The following WDR5 variants were observed in gnomAD, a reference collection of about 807,000 sequenced individuals.
WDR5 encodes the protein WD repeat-containing protein 5.
For missense variants in WDR5, 187 were observed against 416.9 expected, an observed-to-expected ratio of 0.45 and a Z score of 4.80; for synonymous variants, 144 against 161.6, an observed-to-expected ratio of 0.89 and a Z score of 0.83.
intron 6 of WDR5, 24 bp downstream of exon 6, chr9:134,142,446 C>T: frequency 6.2e-7 from 1 of 1,612,480 alleles, no homozygotes; most frequent in Non-Finnish European, 8.5e-7. Flanking sequence ...GGGTGTCTTC[C>T]CTGGGGGAGG....
At position 134,149,954 on chromosome 9, in the gene WDR5, T is replaced by C. The variant is rs373323244; in HGVS notation, c.584+1611T>C. 5.9e-3 allele frequency among the ~76,000 whole-genome samples: 901 copies of C among 152,258 alleles called. 10 individuals carry two copies. The highest frequency in any genetic ancestry group is 0.021 in the African/African-American group (852 of 41,536). Reference sequence around the variant, plus strand: ...AAGGAGCAGTCACCGCTGAAGAGGCTGGAAAAGGGGATTGAAGGCCTGAAA... The same window carrying C: ...AAGGAGCAGTCACCGCTGAAGAGGCCGGAAAAGGGGATTGAAGGCCTGAAA... On this transcript the variant is annotated intron_variant, in intron 8 of 13. Coordinates refer to ENST00000358625, the MANE Select transcript of WDR5 (RefSeq NM_017588.3).
At chr9:134,145,096 G>GTTTTTTGT (rs1316019740) in intron 7 of WDR5, among the ~76,000 whole-genome samples, 145 of 104,710 alleles carry the variant, frequency 1.4e-3, no homozygotes, top group South Asian at 2.8e-3. Flanking sequence ...GTGGGGCTTT[G>GTTTTTTGT]TTTTTTTTTT....
In WDR5 at chr9:134,148,312, T is replaced by C. The variant is rs751312755; in HGVS notation, c.553T>C (p.Leu185=). The change falls in exon 8 of 14, where the codon TTG becomes CTG. Residue 185 remains leucine, a synonymous_variant. Transcript: ENST00000358625. ...GGTTCATTTTAATCGTGATGGATCC[T>C]TGATAGTTTCAAGTAGCTATGATGG... is the stretch of plus-strand genomic sequence containing the variant. ...SAVHFNRDGS[L]IVSSSYDGLC... is the part of the protein sequence containing the mutation. 3.9e-5 allele frequency: 63 copies of C among 1,612,126 alleles called. No individual in the cohort carries two copies. Among genetic ancestry groups the C allele is most frequent in the Non-Finnish European group, 5.3e-5 (63 of 1,179,024 alleles).
intron 7 of WDR5, among the ~76,000 whole-genome samples, chr9:134,147,231 C>G (rs1346201753): frequency 6.6e-6 from 1 of 152,224 alleles, no homozygotes; most frequent in Admixed American, 6.5e-5. Flanking sequence ...CAGGCTCTTG[C>G]AGAGTCTAGC....
In WDR5 at chr9:134,157,689, G is replaced by A. The variant is rs1167446104; in HGVS notation, c.905-204G>A. ...CCCCTGTCCCCCAACCGGCTGTGTC[G>A]CCCTGGTACCGGCTGCTGTCCCCTC... On this transcript the variant is annotated intron_variant, in intron 13 of 13. Transcript: ENST00000358625. The surrounding 1 kb of genome is among the most constrained non-coding windows in gnomAD (Gnocchi z 5.0). Among the ~76,000 whole-genome samples, 3 of 152,022 alleles carry A rather than the reference G, an allele frequency of 2.0e-5. No homozygotes were observed. The highest frequency in any genetic ancestry group is 2.1e-4 in the South Asian group (1 of 4,822).
chr9:134,154,449 G>A lies in WDR5; in HGVS notation c.632-17G>A. 1 of 1,614,142 alleles carries A rather than the reference G, an allele frequency of 6.2e-7. No homozygotes were observed. On this transcript the variant is annotated splice_polypyrimidine_tract_variant and intron_variant, in intron 9 of 13. Transcript: ENST00000358625. ...TGTCAGCGCCCGCCGTGTGTCACCT[G>A]TCCGTTTTTATTGCAGATGACGACA...
intron 1 of WDR5, among the ~76,000 whole-genome samples, chr9:134,138,655 A>C (rs550058555): frequency 6.6e-6 from 1 of 152,214 alleles, no homozygotes; most frequent in Admixed American, 6.5e-5. Flanking sequence ...CTGCAGGTGA[A>C]ATGGAGCGGT....
rs143968579 is a variant in WDR5, at chr9:134,149,100, C to T, written c.584+757C>T. 7.9e-4 allele frequency among the ~76,000 whole-genome samples: 121 copies of T among 152,306 alleles called. No homozygotes were observed. In the East Asian group the frequency reaches 0.02, roughly 25 times the overall value. ...CCTGCAGGGAACCCTCAGGTGGACA[C>T]GCACACTCGAAATCTGTTTCCCAGT... On this transcript the variant is annotated intron_variant, in intron 8 of 13. Coordinates refer to ENST00000358625, the MANE Select transcript of WDR5 (RefSeq NM_017588.3).
At chr9:134,152,133 G>A in intron 9 of WDR5, 104 bp downstream of exon 9, 1 of 1,367,378 alleles carries the variant, frequency 7.3e-7, no homozygotes, top group Non-Finnish European at 1.0e-6. Flanking sequence ...TCTGCCCTGG[G>A]TCCGCCCCTG....
Position 134,147,227 on chromosome 9 carries a change from C to G in WDR5, c.529-1061C>G, listed in dbSNP as rs188877460. On this transcript the variant is annotated intron_variant, in intron 7 of 13. Coordinates refer to ENST00000358625, the MANE Select transcript of WDR5 (RefSeq NM_017588.3). Reference sequence around the variant, plus strand: ...AAATTACACGTGTGGCTGGCAGGCTCTTGCAGAGTCTAGCCTAGTGCTTCT... The same window carrying G: ...AAATTACACGTGTGGCTGGCAGGCTGTTGCAGAGTCTAGCCTAGTGCTTCT... Among the ~76,000 whole-genome samples the G allele has an allele frequency of 2.8e-3, 426 of 152,342 alleles. 1 individual carries two copies. The highest frequency in any genetic ancestry group is 5.1e-3 in the Non-Finnish European group (350 of 68,038).
At chr9:134,141,065 C>T (rs564728492) in intron 3 of WDR5, among the ~76,000 whole-genome samples, 7 of 152,162 alleles carry the variant, frequency 4.6e-5, no homozygotes, top group South Asian at 2.1e-4. Context: ...AGGCGGATCA[C>T]GAGGTCAGGA....
At chr9:134,152,478 G>C (rs1832543660) in intron 9 of WDR5, among the ~76,000 whole-genome samples, 1 of 152,232 alleles carries the variant, frequency 6.6e-6, no homozygotes. Flanking sequence ...AGAGGAAGGA[G>C]GGACGTGGCG....
chr9:134,146,088 C>A (rs1832185965), intron 7 of WDR5, among the ~76,000 whole-genome samples: 1 of 151,964 alleles, frequency 6.6e-6, no homozygotes, highest in African/African-American at 2.4e-5. Context: ...CCTCAGCCTC[C>A]TGAGTAGCTG....
intron 1 of WDR5, among the ~76,000 whole-genome samples, chr9:134,136,471 C>G (rs77944227): frequency 0.36 from 54,366 of 151,858 alleles, 10,836 homozygotes; most frequent in Non-Finnish European, 0.45. Context: ...AAGGCCAGAG[C>G]GCCGGCACTG....
intron 3 of WDR5, 64 bp downstream of exon 3, chr9:134,140,875 C>T (rs1213368651): frequency 1.2e-5 from 18 of 1,496,504 alleles, no homozygotes; most frequent in East Asian, 2.3e-5. Context: ...AAAAAGCTGG[C>T]GAGGGGATGG....
chr9:134,144,739 C>T (rs750361471), intron 7 of WDR5, among the ~76,000 whole-genome samples: 17 of 151,916 alleles, frequency 1.1e-4, no homozygotes, highest in Admixed American at 3.3e-4. Context: ...ACTTGGAGGA[C>T]GGTGGGAGGA....
intron 1 of WDR5, among the ~76,000 whole-genome samples, chr9:134,137,373 C>G (rs1831618700): frequency 6.6e-6 from 1 of 152,094 alleles, no homozygotes; most frequent in Non-Finnish European, 1.5e-5. Flanking sequence ...ACAGAGACAC[C>G]TGAGTGTTCA....
Position 134,158,054 on chromosome 9 carries a change from G to T in WDR5, c.*61G>T. The T allele has an allele frequency of 6.6e-7, 1 of 1,511,346 alleles. No homozygotes were observed. Among genetic ancestry groups the T allele is most frequent in the Middle Eastern group, 1.7e-4 (1 of 5,854 alleles). The allele number at this position is 1,511,346 out of a possible 1,614,324, so 93.6% of individuals were successfully genotyped here. A position where few individuals can be genotyped will look rare whatever the true frequency, so the allele number is the denominator to read the frequency against. On this transcript the variant is annotated 3_prime_UTR_variant, in exon 14 of 14. Coordinates refer to ENST00000358625, the MANE Select transcript of WDR5 (RefSeq NM_017588.3). ...AGTTGACCCGGATTGGCAAGAAACA[G>T]GGTGTCTTGGAGGTGGTCCCCCAGA...
intron 4 of WDR5, 45 bp downstream of exon 4, chr9:134,141,628 G>T: frequency 6.3e-7 from 1 of 1,597,760 alleles, no homozygotes; most frequent in Non-Finnish European, 8.6e-7. Flanking sequence ...TGAACAGGGT[G>T]GCTCTAGTGA....
Sources: gnomAD v4.1 joint callset for allele counts (sites outside exome capture counted in the v4.1 genomes callset) on GRCh38, gnomAD v4.1.1 for gene constraint, Gnocchi (gnomAD v3.1) non-coding constraint, MANE v1.5 for transcripts, NCBI Gene and HGNC (gene_info 2026-07-23, HGNC 2026-07-21) for gene names.